The following GULP1 variants were observed in gnomAD, a reference collection of about 807,000 sequenced individuals.
The protein encoded by GULP1 is PTB domain-containing engulfment adapter protein 1.
In GULP1, 19 loss-of-function variants were observed where a neutral mutation model predicts 40.9. The ratio of observed to expected loss-of-function variants is 0.46; its 90% CI spans 0.32 to 0.68. The LOEUF (loss-of-function observed/expected upper bound fraction) is 0.68. Among genes scored for constraint, GULP1 ranks in the 30% least tolerant of loss-of-function variants. GULP1 has a pLI of 0.03. For missense variants in GULP1, 312 were observed against 362.2 expected, an observed-to-expected ratio of 0.86 and a Z score of 1.12; for synonymous variants, 119 against 117.6, an observed-to-expected ratio of 1.01 and a Z score of -0.08.
chr2:188,417,048 A>G lies in GULP1; in HGVS notation c.-45+33159A>G, dbSNP rs559662271. Among the ~76,000 whole-genome samples, 8 of 152,330 alleles carry G rather than the reference A, an allele frequency of 5.3e-5. No individual in the cohort carries two copies. The South Asian group carries it at 1.7e-3, about 32-fold the overall frequency. On this transcript the variant is annotated intron_variant, in intron 2 of 11. Coordinates refer to ENST00000409830, the MANE Select transcript of GULP1 (RefSeq NM_016315.4). ...CCTGAAAGTTAAATTCCATTATAAA[A>G]CTAGGACAGTAGGAATCCATGCATC... is the stretch of plus-strand genomic sequence containing the variant.
At chr2:188,369,341 T>G (rs1461078217) in intron 1 of GULP1, among the ~76,000 whole-genome samples, 9 of 151,922 alleles carry the variant, frequency 5.9e-5, no homozygotes, top group Non-Finnish European at 1.2e-4. Flanking sequence ...CTTGAATGGA[T>G]GTTAAGGAGA....
chr2:188,492,999 C>G (rs573438757), intron 4 of GULP1, among the ~76,000 whole-genome samples: 2 of 152,164 alleles, frequency 1.3e-5, no homozygotes, highest in African/African-American at 4.8e-5. Context: ...CCAGGATTTG[C>G]AACGTTTACA....
At chr2:188,556,125 T>A (rs1259303619) in intron 7 of GULP1, among the ~76,000 whole-genome samples, 1 of 152,012 alleles carries the variant, frequency 6.6e-6, no homozygotes, top group African/African-American at 2.4e-5. Flanking sequence ...TGAAATGGGT[T>A]TTCTAATCCT....
intron 1 of GULP1, among the ~76,000 whole-genome samples, chr2:188,357,507 C>T (rs1005564370): frequency 5.9e-5 from 9 of 152,076 alleles, no homozygotes; most frequent in Non-Finnish European, 1.3e-4. Flanking sequence ...GATGATAATT[C>T]ACCACAGTTA....
chr2:188,306,783 T>A (rs1275203609), intron 1 of GULP1, among the ~76,000 whole-genome samples: 2 of 152,196 alleles, frequency 1.3e-5, no homozygotes, highest in Non-Finnish European at 2.9e-5. Flanking sequence ...GGTGACAAAA[T>A]GTCATCATCT....
chr2:188,568,417 A>G (rs1698287227), intron 7 of GULP1, among the ~76,000 whole-genome samples: 1 of 152,198 alleles, frequency 6.6e-6, no homozygotes, highest in South Asian at 2.1e-4. Context: ...GACATTATGA[A>G]TTCAGTGGAG....
At chr2:188,525,109 T>C (rs1279299922) in intron 5 of GULP1, among the ~76,000 whole-genome samples, 1 of 151,910 alleles carries the variant, frequency 6.6e-6, no homozygotes, top group Non-Finnish European at 1.5e-5. Context: ...GAATTTACAG[T>C]TTATAAATTT....
At chr2:188,362,794 C>A (rs751328934) in intron 1 of GULP1, among the ~76,000 whole-genome samples, 139 of 152,094 alleles carry the variant, frequency 9.1e-4, no homozygotes, top group Non-Finnish European at 1.9e-3. Context: ...ATGGATCATA[C>A]TGGCCAAGAG....
rs1431481113 is a variant in GULP1 at position 188,473,409 on chromosome 2, T to G, written c.-44-4250T>G. Among the ~76,000 whole-genome samples, 4 of 152,344 alleles carry G rather than the reference T, an allele frequency of 2.6e-5. 1 individual carries two copies. In the South Asian group the frequency reaches 8.3e-4, roughly 32 times the overall value. ...CCCAGGCAGGTCCAGAGTTGCCTAT[T>G]GGAAGCCGTGAACTAGAGTCAAAAC... On this transcript the variant is annotated intron_variant, in intron 2 of 11. Coordinates refer to ENST00000409830, the MANE Select transcript of GULP1 (RefSeq NM_016315.4).
intron 4 of GULP1, among the ~76,000 whole-genome samples, chr2:188,490,227 G>T (rs1341854409): frequency 6.6e-6 from 1 of 152,088 alleles, no homozygotes; most frequent in Non-Finnish European, 1.5e-5. Flanking sequence ...AAGACCCAGA[G>T]AAGTTGTGAT....
At chr2:188,366,160 A>C (rs777826471) in intron 1 of GULP1, among the ~76,000 whole-genome samples, 74 of 152,288 alleles carry the variant, frequency 4.9e-4, no homozygotes, top group Non-Finnish European at 8.5e-4. Flanking sequence ...GGGCAAAAGA[A>C]GGGCCTGTAA....
chr2:188,445,270 T>C (rs986068215), intron 2 of GULP1, among the ~76,000 whole-genome samples: 1 of 151,486 alleles, frequency 6.6e-6, no homozygotes, highest in South Asian at 2.1e-4. Context: ...AAAATTATAG[T>C]AGAAACAAAT....
intron 1 of GULP1, among the ~76,000 whole-genome samples, chr2:188,381,735 A>C (rs896263910): frequency 2.0e-5 from 3 of 152,156 alleles, no homozygotes; most frequent in African/African-American, 7.2e-5. Flanking sequence ...GAAAAACATG[A>C]TCTGATAAAA....
At chr2:188,294,917 T>C (rs539407612) in intron 1 of GULP1, among the ~76,000 whole-genome samples, 1 of 152,328 alleles carries the variant, frequency 6.6e-6, no homozygotes, top group South Asian at 2.1e-4. Flanking sequence ...ACCCATGTAA[T>C]AATGACATAT....
At chr2:188,297,701 G>A (rs1472304924) in intron 1 of GULP1, 1 of 257,694 alleles carries the variant, frequency 3.9e-6, no homozygotes, top group Non-Finnish European at 8.1e-6. Context: ...ATAATCTACT[G>A]ACTGAATCAT....
At chr2:188,385,013 G>C (rs1370810157) in intron 2 of GULP1, among the ~76,000 whole-genome samples, 1 of 152,112 alleles carries the variant, frequency 6.6e-6, no homozygotes, top group Non-Finnish European at 1.5e-5. Context: ...GTTGTTGGTG[G>C]ATCTACCATT....
At chr2:188,414,232 A>AAAAAG (rs1559213643) in intron 2 of GULP1, among the ~76,000 whole-genome samples, 15 of 148,090 alleles carry the variant, frequency 1.0e-4, no homozygotes, top group Admixed American at 1.3e-4. Context: ...AAAAAAAAAA[A>AAAAAG]AAAAGAAAAA....
chr2:188,423,039 A>T (rs924906515), intron 2 of GULP1, among the ~76,000 whole-genome samples: 4 of 152,090 alleles, frequency 2.6e-5, no homozygotes, highest in Admixed American at 6.6e-5. Flanking sequence ...GCTTTTCAAG[A>T]GTCAACTAAA....
chr2:188,480,933 C>T lies in GULP1; in HGVS notation c.29-2498C>T, dbSNP rs374103021. Among the ~76,000 whole-genome samples, 15 of 151,864 alleles carry T rather than the reference C, an allele frequency of 9.9e-5. No homozygotes were observed. The East Asian group carries it at 2.1e-3, about 22-fold the overall frequency. On this transcript the variant is annotated intron_variant, in intron 3 of 11. Transcript: ENST00000409830. ...TTATTCAAATGTATCTATTCATTAACCAGCATTTAGTTTTAAATTTAATGT... is the reference window on the plus strand; with the variant it reads ...TTATTCAAATGTATCTATTCATTAATCAGCATTTAGTTTTAAATTTAATGT...
Sources: allele counts gnomAD v4.1 joint callset (sites outside exome capture counted in the v4.1 genomes callset), GRCh38; gene constraint gnomAD v4.1.1; transcripts MANE v1.5; gene names NCBI Gene and HGNC (gene_info 2026-07-23, HGNC 2026-07-21).